The following COL26A1 variants were observed in gnomAD, a reference collection of about 807,000 sequenced individuals.
COL26A1 encodes the protein collagen alpha-1(XXVI) chain.
Under a neutral mutation model 59.3 loss-of-function variants are expected in COL26A1, and 41 were observed. The ratio of observed to expected loss-of-function variants is 0.69; its 90% CI spans 0.54 to 0.90. The LOEUF (loss-of-function observed/expected upper bound fraction) is 0.90. Among genes scored for constraint, COL26A1 ranks in the 40% least tolerant of loss-of-function variants. The probability of loss-of-function intolerance (pLI) is 0.00; values close to 1 mark genes in which losing one functional copy is unlikely to be tolerated. For missense variants in COL26A1, 612 were observed against 602.3 expected (o/e 1.02, Z -0.17); for synonymous variants, 266 against 256.0 (o/e 1.04, Z -0.37).
chr7:101,435,305 A>C (rs910500401), intron 2 of COL26A1, among the ~76,000 whole-genome samples: 2 of 152,126 alleles, frequency 1.3e-5, no homozygotes, highest in Non-Finnish European at 2.9e-5. Context: ...GGCCACAGCG[A>C]GACTCCATCT....
intron 10 of COL26A1, among the ~76,000 whole-genome samples, chr7:101,552,348 C>T (rs926511199): frequency 9.9e-5 from 15 of 152,184 alleles, no homozygotes; most frequent in African/African-American, 2.7e-4. Context: ...GTGGCTCATA[C>T]CTGTAACCCC....
At chr7:101,553,158 C>T (rs1795895332) in intron 10 of COL26A1, 168 bp from the exon 11 acceptor site, 1 of 591,110 alleles carries the variant, frequency 1.7e-6, no homozygotes, top group African/African-American at 1.9e-5. Flanking sequence ...CGTGGCCTCC[C>T]CTGCTGTGCT....
chr7:101,374,466 C>T (rs1263880025), intron 1 of COL26A1, among the ~76,000 whole-genome samples: 1 of 152,228 alleles, frequency 6.6e-6, no homozygotes, highest in Non-Finnish European at 1.5e-5. Context: ...CCTGAAGCTT[C>T]ATCTCTACAG....
At position 101,545,385 on chromosome 7, in the gene COL26A1, C is replaced by T. The variant is rs947781889; in HGVS notation, c.751C>T (p.Arg251Cys). 1.6e-5 allele frequency: 25 copies of T among 1,588,210 alleles called. No individual in the cohort carries two copies. The highest frequency in any genetic ancestry group is 5.5e-5 in the Admixed American group (3 of 54,202). The stretch of plus-strand genomic sequence containing the variant: ...CCGTGGGCTTCCTGGAGAGATGGGG[C>T]GCCCCGGCCCCCCAGGACCACCCGG... The part of the protein sequence containing the change: ...GPRGLPGEMG[R>C]PGPPGPPGPA... Residue 251 changes from arginine (R) to cysteine (C), a missense_variant, in exon 7 of 13, where the codon CGC becomes TGC. Coordinates refer to ENST00000313669, the MANE Select transcript of COL26A1 (RefSeq NM_001278563.3).
At chr7:101,490,095 C>T (rs185075013) in intron 3 of COL26A1, among the ~76,000 whole-genome samples, 62 of 151,334 alleles carry the variant, frequency 4.1e-4, no homozygotes, top group African/African-American at 1.5e-3. Context: ...TGCCACCACA[C>T]ATGGGTAATT....
Position 101,538,914 on chromosome 7 carries a change from C to T in COL26A1, c.448-979C>T, listed in dbSNP as rs372030844. On this transcript the variant is annotated intron_variant, in intron 4 of 12. Coordinates refer to ENST00000313669, the MANE Select transcript of COL26A1 (RefSeq NM_001278563.3). ...AGCCCAGCAGGTCCTTCACGCCCCTCGGCCCCAGGACCCACCCAAGTTCCC... is the reference window on the plus strand; with the variant it reads ...AGCCCAGCAGGTCCTTCACGCCCCTTGGCCCCAGGACCCACCCAAGTTCCC... Among the ~76,000 whole-genome samples, 44 of 152,366 alleles carry T rather than the reference C, an allele frequency of 2.9e-4. 1 individual carries two copies. Among genetic ancestry groups the T allele is most frequent in the Middle Eastern group, 3.4e-3 (1 of 294 alleles).
chr7:101,454,268 C>CTTTTTT (rs58969139), intron 3 of COL26A1, among the ~76,000 whole-genome samples: 83 of 137,340 alleles, frequency 6.0e-4, no homozygotes, highest in Non-Finnish European at 8.8e-4. Context: ...TCTTTTCTTT[C>CTTTTTT]TTTTTTTTTT....
At chr7:101,547,283 C>T (rs1795758107) in intron 8 of COL26A1, 44 bp downstream of exon 8, 2 of 1,395,436 alleles carry the variant, frequency 1.4e-6, no homozygotes, top group Admixed American at 2.1e-5. Context: ...CTCCATCCCC[C>T]CAGGGCTGGC....
intron 1 of COL26A1, among the ~76,000 whole-genome samples, chr7:101,400,865 GCCTT>G (rs895699120): frequency 2.0e-5 from 3 of 152,028 alleles, no homozygotes; most frequent in Non-Finnish European, 4.4e-5. Context: ...GACCCACACC[GCCTT>G]CCTTCCTTCA....
chr7:101,557,713 C>T lies in COL26A1; in HGVS notation c.*183C>T. On this transcript the variant is annotated 3_prime_UTR_variant, in exon 13 of 13. Coordinates refer to ENST00000313669, the MANE Select transcript of COL26A1 (RefSeq NM_001278563.3). The stretch of plus-strand genomic sequence containing the variant: ...GGCAGGGTCTGGAGGGGCCAACACC[C>T]TCATCAGAGCCCTCCTCTGGCCTGT... The T allele has an allele frequency of 1.7e-6, 1 of 590,420 alleles. No homozygotes were observed. Among genetic ancestry groups the T allele is most frequent in the Non-Finnish European group, 2.9e-6 (1 of 348,146 alleles). 36.6% of individuals were successfully genotyped at this position (590,420 alleles called of 1,614,324 possible).
At chr7:101,466,029 A>G (rs557051065) in intron 3 of COL26A1, among the ~76,000 whole-genome samples, 1 of 151,874 alleles carries the variant, frequency 6.6e-6, no homozygotes, top group Non-Finnish European at 1.5e-5. Flanking sequence ...CCCAGCTAGA[A>G]CTCCCCAGCA....
At chr7:101,413,310 G>C (rs1240222875) in intron 1 of COL26A1, among the ~76,000 whole-genome samples, 1 of 152,150 alleles carries the variant, frequency 6.6e-6, no homozygotes, top group Non-Finnish European at 1.5e-5. Flanking sequence ...CTTGAGGTCA[G>C]GAGTTCCAGA....
intron 8 of COL26A1, among the ~76,000 whole-genome samples, chr7:101,547,801 ATTCATTCATTCG>A (rs1317752091): frequency 7.1e-6 from 1 of 140,204 alleles, no homozygotes; most frequent in East Asian, 1.9e-4. Flanking sequence ...TCATTTGTCC[ATTCATTCATTCG>A]TTCATTCATT....
chr7:101,367,086 G>T (rs1288618999), intron 1 of COL26A1, among the ~76,000 whole-genome samples: 2 of 152,136 alleles, frequency 1.3e-5, no homozygotes, highest in Non-Finnish European at 2.9e-5. Context: ...TGGATCCTCT[G>T]CCCCCTGTAT....
In COL26A1 at chr7:101,539,898, C is replaced by A; in HGVS notation, c.453C>A (p.Leu151=). The part of the protein sequence containing the change: ...ERLTTLEAKV[L]LLEAAERPSS... ...CTCTATCTCCTTTGGCCCAGGTCCT[C>A]CTGCTAGAAGCAGCAGAACGGCCCT... is the stretch of plus-strand genomic sequence containing the variant. Residue 151 remains leucine (L), a synonymous_variant, in exon 5 of 13, where the codon CTC becomes CTA. Transcript: ENST00000313669. The A allele has an allele frequency of 6.2e-7, 1 of 1,611,264 alleles. No homozygotes were observed. The highest frequency in any genetic ancestry group is 8.5e-7 in the Non-Finnish European group (1 of 1,178,786).
At chr7:101,489,933 C>CTT (rs1563008634) in intron 3 of COL26A1, among the ~76,000 whole-genome samples, 1 of 81,108 alleles carries the variant, frequency 1.2e-5, no homozygotes, top group Non-Finnish European at 2.0e-5. Flanking sequence ...CTCTCTCTCT[C>CTT]TCTTTCTTTC....
At chr7:101,423,961 T>C (rs1475378204) in intron 2 of COL26A1, among the ~76,000 whole-genome samples, 1 of 151,934 alleles carries the variant, frequency 6.6e-6, no homozygotes, top group African/African-American at 2.4e-5. Flanking sequence ...CCCAGTTACA[T>C]AGGAGGCTGA....
At chr7:101,522,773 T>G (rs1485059981) in intron 3 of COL26A1, among the ~76,000 whole-genome samples, 4 of 151,702 alleles carry the variant, frequency 2.6e-5, no homozygotes, top group Non-Finnish European at 1.5e-5. Flanking sequence ...CCACCCGCAG[T>G]GTATGACAGA....
chr7:101,467,374 G>A (rs1793789583), intron 3 of COL26A1, among the ~76,000 whole-genome samples: 1 of 145,004 alleles, frequency 6.9e-6, no homozygotes. Flanking sequence ...GGGGAGGATG[G>A]GGGGTGGTTT....
Sources: gnomAD v4.1 joint callset for allele counts (sites outside exome capture counted in the v4.1 genomes callset) on GRCh38, gnomAD v4.1.1 for gene constraint, MANE v1.5 for transcripts, NCBI Gene and HGNC (gene_info 2026-07-23, HGNC 2026-07-21) for gene names.